The following TRPC5 variants were observed in gnomAD, a reference collection of about 807,000 sequenced individuals.
TRPC5 encodes transient receptor potential cation channel subfamily C member 5.
A neutral mutation model predicts 56.5 loss-of-function variants in TRPC5; 9 were observed. That is an observed-to-expected ratio of 0.16 (90% CI 0.10 to 0.28). The LOEUF (loss-of-function observed/expected upper bound fraction) is 0.28, where lower values mean the gene tolerates loss of function less well. TRPC5 is among the 10% of genes least tolerant of loss of function. The pLI is 1.00. For missense variants in TRPC5, 469 were observed against 748.9 expected (o/e 0.63, Z 4.36); for synonymous variants, 282 against 278.5 (o/e 1.01, Z -0.13).
chrX:111,833,072 T>A (rs1234806105), intron 7 of TRPC5, among the ~76,000 whole-genome samples: 3 of 111,744 alleles, frequency 2.7e-5, no homozygotes, highest in African/African-American at 9.8e-5. Flanking sequence ...ATTCCATGCC[T>A]GCCCCTGCCC....
At position 111,771,063 on chromosome X, in the gene TRPC5, G is replaced by T. The variant is rs913448234; in HGVS notation, c.*5250C>A. 3.6e-5 allele frequency among the ~76,000 whole-genome samples: 4 copies of T among 111,765 alleles called. No individual in the cohort carries two copies. Among genetic ancestry groups the T allele is most frequent in the Non-Finnish European group, 5.6e-5 (3 of 53,121 alleles). Reference sequence around the variant, plus strand: ...AAGTCATTCTAACCTACTTCAGTTAGTCTTTTTTGGTTCTATCAAGTCACT... The same window carrying T: ...AAGTCATTCTAACCTACTTCAGTTATTCTTTTTTGGTTCTATCAAGTCACT... On this transcript the variant is annotated 3_prime_UTR_variant, in exon 11 of 11. Transcript: ENST00000262839.
chrX:111,925,210 GAGA>G (rs1926226739), intron 2 of TRPC5, among the ~76,000 whole-genome samples: 1 of 112,461 alleles, frequency 8.9e-6, no homozygotes, highest in Non-Finnish European at 1.9e-5. Flanking sequence ...CTGCAGCATG[GAGA>G]AGTTCAGGTG....
intron 1 of TRPC5, among the ~76,000 whole-genome samples, chrX:112,066,153 G>A (rs1292914989): frequency 9.3e-6 from 1 of 107,613 alleles, no homozygotes; most frequent in Non-Finnish European, 1.9e-5. Context: ...TCTGTACAGC[G>A]TTCCCTGACT....
In TRPC5 at chrX:111,827,135, A is replaced by G. The variant is rs183136280; in HGVS notation, c.1896+7786T>C. 4.5e-5 allele frequency among the ~76,000 whole-genome samples: 5 copies of G among 111,731 alleles called. No homozygotes were observed. The Admixed American group carries it at 4.8e-4, about 11-fold the overall frequency. ...ATTGGGAATAATATAGTATTATAAT[A>G]TAGCACATTGTCTTGATTTTTCTCC... On this transcript the variant is annotated intron_variant, in intron 7 of 10. Coordinates refer to ENST00000262839, the MANE Select transcript of TRPC5 (RefSeq NM_012471.3).
chrX:111,847,443 G>A lies in TRPC5; in HGVS notation c.1378-7C>T. ...TTGGACGAGAACCATTATACTGAAA[G>A]AAACAACAAGTGCACAAGATGAGGG... On this transcript the variant is annotated splice_region_variant and splice_polypyrimidine_tract_variant and intron_variant, in intron 5 of 10. Transcript: ENST00000262839. 1 of 1,194,771 alleles carries A rather than the reference G, an allele frequency of 8.4e-7. No homozygotes were observed.
At chrX:112,045,999 TGAG>T (rs1249815982) in intron 1 of TRPC5, among the ~76,000 whole-genome samples, 1 of 110,773 alleles carries the variant, frequency 9.0e-6, no homozygotes, top group African/African-American at 3.3e-5. Context: ...TGTCACAACT[TGAG>T]GAGGAGTTAC....
rs1223492769 is a variant in TRPC5 at position 111,769,665 on chromosome X, G to A, written c.*6648C>T. On this transcript the variant is annotated 3_prime_UTR_variant, in exon 11 of 11. Coordinates refer to ENST00000262839, the MANE Select transcript of TRPC5 (RefSeq NM_012471.3). ...TAGGGGAAAAAAACTAGATTCCCAAGAACAGTTCCAGGTCCCTTACAAATC... is the reference window on the plus strand; with the variant it reads ...TAGGGGAAAAAAACTAGATTCCCAAAAACAGTTCCAGGTCCCTTACAAATC... 9.0e-6 allele frequency among the ~76,000 whole-genome samples: 1 copy of A among 111,658 alleles called. No homozygotes were observed.
At chrX:111,886,623 C>T (rs1924510714) in intron 3 of TRPC5, among the ~76,000 whole-genome samples, 1 of 111,825 alleles carries the variant, frequency 8.9e-6, no homozygotes. Context: ...GAAGACAAAC[C>T]TGGTCTATTC....
At chrX:111,777,033 A>G in intron 10 of TRPC5, 31 bp from the exon 11 acceptor site, 1 of 1,078,298 alleles carries the variant, frequency 9.3e-7, no homozygotes, top group Non-Finnish European at 1.2e-6. Flanking sequence ...TATTATGTCA[A>G]GAAGCTTGGT....
At chrX:111,886,329 C>G (rs1340685001) in intron 3 of TRPC5, among the ~76,000 whole-genome samples, 1 of 112,430 alleles carries the variant, frequency 8.9e-6, no homozygotes, top group South Asian at 3.7e-4. Context: ...TCCTCAGTGT[C>G]AGATACTTCA....
chrX:111,938,742 G>A (rs192049369), intron 2 of TRPC5, among the ~76,000 whole-genome samples: 3 of 111,766 alleles, frequency 2.7e-5, no homozygotes, highest in East Asian at 2.8e-4. Flanking sequence ...TGCTGGATTC[G>A]GTTTGTCAGT....
At chrX:111,893,566 C>T (rs557521943) in intron 3 of TRPC5, among the ~76,000 whole-genome samples, 346 of 112,250 alleles carry the variant, frequency 3.1e-3, no homozygotes, top group South Asian at 0.015. Flanking sequence ...TTTTTCTCTG[C>T]AGCAATGAAC....
Position 111,771,339 on chromosome X carries a change from C to T in TRPC5, c.*4974G>A, listed in dbSNP as rs1045084427. On this transcript the variant is annotated 3_prime_UTR_variant, in exon 11 of 11. Coordinates refer to ENST00000262839, the MANE Select transcript of TRPC5 (RefSeq NM_012471.3). ...AGTTTTATGTTTAAATATTATAATT[C>T]TTAATATGTATATGTCTCTCAGGTA... 9.0e-6 allele frequency among the ~76,000 whole-genome samples: 1 copy of T among 111,489 alleles called. No individual in the cohort carries two copies. The highest frequency in any genetic ancestry group is 3.3e-5 in the African/African-American group (1 of 30,667).
intron 3 of TRPC5, chrX:111,903,860 A>G (rs986918323): frequency 9.8e-5 from 11 of 112,180 alleles, no homozygotes; most frequent in Non-Finnish European, 1.7e-4. Flanking sequence ...ATAAATTCTT[A>G]TGTGTGATGA....
At chrX:112,056,294 C>T (rs1434113612) in intron 1 of TRPC5, among the ~76,000 whole-genome samples, 2 of 111,923 alleles carry the variant, frequency 1.8e-5, no homozygotes, top group Non-Finnish European at 3.8e-5. Flanking sequence ...TTAAAAGTCT[C>T]CCCGTGTGAT....
chrX:111,965,555 G>A (rs377557572), intron 1 of TRPC5, among the ~76,000 whole-genome samples: 6 of 111,391 alleles, frequency 5.4e-5, no homozygotes, highest in Non-Finnish European at 1.1e-4. Flanking sequence ...CTATTCCAAA[G>A]TTGACCACAT....
At chrX:112,038,553 A>G (rs764561015) in intron 1 of TRPC5, among the ~76,000 whole-genome samples, 2 of 112,546 alleles carry the variant, frequency 1.8e-5, no homozygotes, top group African/African-American at 3.2e-5. Context: ...TCCACTGACT[A>G]GCTTTTAACA....
chrX:111,838,285 A>G (rs1569526243), intron 6 of TRPC5, among the ~76,000 whole-genome samples: 1 of 110,990 alleles, frequency 9.0e-6, no homozygotes, highest in Non-Finnish European at 1.9e-5. Flanking sequence ...TCCTCAAAAT[A>G]TTACAGTGTG....
intron 1 of TRPC5, among the ~76,000 whole-genome samples, chrX:111,965,815 A>G (rs1203153627): frequency 3.6e-5 from 4 of 111,675 alleles, no homozygotes; most frequent in Non-Finnish European, 7.5e-5. Context: ...TCTGGGACAC[A>G]TTCAAAGCAG....
Sources: allele counts gnomAD v4.1 joint callset (sites outside exome capture counted in the v4.1 genomes callset), GRCh38; gene constraint gnomAD v4.1.1; transcripts MANE v1.5; gene names NCBI Gene and HGNC (gene_info 2026-07-23, HGNC 2026-07-21).